Variants in NBAS observed in about 807,000 individuals in gnomAD.
NBAS encodes the protein NAG/BC035112 fusion.
A neutral mutation model predicts 302.5 loss-of-function variants in NBAS; 219 were observed. The ratio of observed to expected loss-of-function variants is 0.72; its 90% CI spans 0.65 to 0.81. NBAS has a LOEUF of 0.81. NBAS is among the 30% of genes least tolerant of loss of function. NBAS has a pLI of 0.00. For missense variants in NBAS, 2,932 were observed against 2,841.6 expected, an observed-to-expected ratio of 1.03 and a Z score of -0.72; for synonymous variants, 1,118 against 1,021.6, an observed-to-expected ratio of 1.09 and a Z score of -1.80.
At chr2:15,209,031 T>G (rs531952266) in intron 48 of NBAS, among the ~76,000 whole-genome samples, 1 of 151,454 alleles carries the variant, frequency 6.6e-6, no homozygotes, top group African/African-American at 2.4e-5. Context: ...TTTTAAAAGA[T>G]AAAACTGACA....
At chr2:15,005,108 T>A in the NBAS span, among the ~76,000 whole-genome samples, 4 of 152,308 alleles carry the variant, frequency 2.6e-5, no homozygotes, top group African/African-American at 9.6e-5. Context: ...ACCAAATTTT[T>A]AAAAATTCTT....
intron 37 of NBAS, 69 bp from the exon 38 acceptor site, chr2:15,327,939 C>T: frequency 6.3e-7 from 1 of 1,583,482 alleles, no homozygotes; most frequent in Non-Finnish European, 8.7e-7. Context: ...GCTTAGAAAA[C>T]AATTATAGGA....
the NBAS span, among the ~76,000 whole-genome samples, chr2:14,901,206 T>C: frequency 6.6e-6 from 1 of 152,174 alleles, no homozygotes; most frequent in South Asian, 2.1e-4. Flanking sequence ...TGACAGTCAC[T>C]TCACATGGAT....
the NBAS span, among the ~76,000 whole-genome samples, chr2:15,145,401 A>ATGTGTG: frequency 6.8e-3 from 1,002 of 148,226 alleles, 2 homozygotes; most frequent in East Asian, 0.014. Context: ...GTTTGTTTGT[A>ATGTGTG]TGTGTGTGTG....
At chr2:14,810,760 T>C in the NBAS span, among the ~76,000 whole-genome samples, 1 of 152,206 alleles carries the variant, frequency 6.6e-6, no homozygotes, top group African/African-American at 2.4e-5. Context: ...CTAAGCATGG[T>C]GGTGTCTGGC....
chr2:15,144,230 G>T, the NBAS span, among the ~76,000 whole-genome samples: 48 of 151,794 alleles, frequency 3.2e-4, no homozygotes, highest in Non-Finnish European at 4.9e-4. Context: ...TGTGTAGCAT[G>T]GCTGTGTCCC....
intron 42 of NBAS, among the ~76,000 whole-genome samples, chr2:15,280,394 C>T (rs745734660): frequency 2.0e-5 from 3 of 151,606 alleles, no homozygotes; most frequent in Admixed American, 6.6e-5. Context: ...AGAAGGCTGC[C>T]GGGAGAGGGG....
chr2:14,860,847 G>C, the NBAS span, among the ~76,000 whole-genome samples: 3 of 152,128 alleles, frequency 2.0e-5, no homozygotes, highest in Non-Finnish European at 2.9e-5. Context: ...TAATTCAAGT[G>C]TTTCTATTAA....
At chr2:15,533,679 C>CGTGTGTGTGTGTGTGT (rs59222907) in intron 9 of NBAS, among the ~76,000 whole-genome samples, 156 of 144,016 alleles carry the variant, frequency 1.1e-3, no homozygotes, top group African/African-American at 2.2e-3. Flanking sequence ...GGGGGGTGTG[C>CGTGTGTGTGTGTGTGT]GTGTGTGTGT....
At chr2:15,263,295 C>T (rs188559788) in intron 44 of NBAS, among the ~76,000 whole-genome samples, 2 of 152,232 alleles carry the variant, frequency 1.3e-5, no homozygotes, top group East Asian at 3.9e-4. Context: ...GTTTTCACCA[C>T]GTTGGCCAGG....
intron 35 of NBAS, 141 bp from the exon 36 acceptor site, chr2:15,330,906 TA>T: frequency 1.2e-6 from 1 of 854,260 alleles, no homozygotes; most frequent in Non-Finnish European, 1.8e-6. Flanking sequence ...ACTTTGCTTG[TA>T]ACAAAATAAA....
At chr2:14,827,853 G>A in the NBAS span, among the ~76,000 whole-genome samples, 1 of 152,142 alleles carries the variant, frequency 6.6e-6, no homozygotes, top group Admixed American at 6.5e-5. Context: ...TATTAGATGA[G>A]TAAGTTCCAA....
At chr2:14,925,971 G>A in the NBAS span, among the ~76,000 whole-genome samples, 17 of 152,268 alleles carry the variant, frequency 1.1e-4, no homozygotes, top group East Asian at 2.9e-3. Flanking sequence ...AGGATCCTCT[G>A]GTAAGAACTC....
At chr2:15,093,835 C>G in the NBAS span, among the ~76,000 whole-genome samples, 1 of 151,914 alleles carries the variant, frequency 6.6e-6, no homozygotes, top group African/African-American at 2.4e-5. Flanking sequence ...TAGAAAAAGA[C>G]TATGTTTAAG....
At chr2:15,396,547 T>G in intron 26 of NBAS, 72 bp from the exon 27 acceptor site, 5 of 1,027,214 alleles carry the variant, frequency 4.9e-6, no homozygotes, top group Non-Finnish European at 7.1e-6. Flanking sequence ...ATACAAAACT[T>G]AATGAAGTGA....
At chr2:15,408,799 C>T (rs995072919) in intron 25 of NBAS, among the ~76,000 whole-genome samples, 6 of 152,068 alleles carry the variant, frequency 3.9e-5, no homozygotes, top group Non-Finnish European at 5.9e-5. Flanking sequence ...CTATAAAATG[C>T]GAACAATGAT....
At chr2:15,309,352 G>A in intron 38 of NBAS, 105 bp from the exon 39 acceptor site, 1 of 908,376 alleles carries the variant, frequency 1.1e-6, no homozygotes, top group South Asian at 1.4e-5. Flanking sequence ...AATAATTAGT[G>A]GCAGAGACCT....
At chr2:14,880,139 T>A in the NBAS span, among the ~76,000 whole-genome samples, 5,730 of 152,226 alleles carry the variant, frequency 0.038, 139 homozygotes, top group Non-Finnish European at 0.051. Flanking sequence ...CAAAAGAAAG[T>A]TTTTTATTAA....
chr2:15,312,142 T>C (rs1043101450), intron 38 of NBAS, among the ~76,000 whole-genome samples: 1 of 152,238 alleles, frequency 6.6e-6, no homozygotes, highest in African/African-American at 2.4e-5. Flanking sequence ...GTTCCTCAGA[T>C]GATCCTCCTC....
Sources: gnomAD v4.1 joint callset for allele counts (sites outside exome capture counted in the v4.1 genomes callset) on GRCh38, gnomAD v4.1.1 for gene constraint, MANE v1.5 for transcripts, NCBI Gene and HGNC (gene_info 2026-07-23, HGNC 2026-07-21) for gene names.